The following MRPL36 variants were observed in gnomAD, a reference collection of about 807,000 sequenced individuals.
MRPL36 encodes the protein large ribosomal subunit protein bL36m.
A neutral mutation model predicts 2.8 loss-of-function variants in MRPL36; 1 was observed. The observed-to-expected ratio is 0.36, with a 90% CI of 0.13 to 1.69. MRPL36 has a LOEUF of 1.69. Among genes scored for constraint, MRPL36 ranks in the 40% most tolerant of loss-of-function variants. The probability of loss-of-function intolerance (pLI) is 0.35; values close to 1 mark genes in which losing one functional copy is unlikely to be tolerated. For synonymous variants in MRPL36, 68 were observed against 54.8 expected (o/e 1.24, Z -1.06); for missense variants, 148 against 132.7 (o/e 1.12, Z -0.57).
chr5:1,798,947 T>A lies in MRPL36; in HGVS notation c.-12A>T, dbSNP rs779728134. 1 of 1,563,722 alleles carries A rather than the reference T, an allele frequency of 6.4e-7. No homozygotes were observed. Among genetic ancestry groups the A allele is most frequent in the Non-Finnish European group, 8.7e-7 (1 of 1,151,450 alleles). ...AAAAGATTTGCCATGTTGTGGTGAA[T>A]CTATGGGAGAGAGAAAAAAAGGAGT... is the stretch of plus-strand genomic sequence containing the variant. On this transcript the variant is annotated splice_region_variant and 5_prime_UTR_variant, in exon 2 of 2. Coordinates refer to ENST00000505059, the MANE Select transcript of MRPL36 (RefSeq NM_032479.4).
rs967647683 is a variant in MRPL36 at position 1,798,507 on chromosome 5, G to A, written c.*117C>T. 79 of 950,906 alleles carry A rather than the reference G, an allele frequency of 8.3e-5. No individual in the cohort carries two copies. The highest frequency in any genetic ancestry group is 1.1e-4 in the Non-Finnish European group (73 of 634,872). The allele number at this position is 950,906 out of a possible 1,614,324, so 58.9% of individuals were successfully genotyped here. A position where few individuals can be genotyped will look rare whatever the true frequency, so the allele number is the denominator to read the frequency against. On this transcript the variant is annotated 3_prime_UTR_variant, in exon 2 of 2. Transcript: ENST00000505059. ...AAACGTGATGGGTAACTTTTAGGGCGTTTGCTTCCAGTCACTTTCCCCTGA... is the reference window on the plus strand; with the variant it reads ...AAACGTGATGGGTAACTTTTAGGGCATTTGCTTCCAGTCACTTTCCCCTGA...
chr5:1,798,661 C>T lies in MRPL36; in HGVS notation c.275G>A (p.Cys92Tyr). Residue 92 changes from cysteine to tyrosine, a missense_variant, in exon 2 of 2, where the codon TGT becomes TAT. Transcript: ENST00000505059. ...VKRRGRWYVY[C>Y]KTHPRHKQRQ... Reference sequence around the variant, plus strand: ...CTGCTTGTGCCTCGGATGGGTTTTACAGTAGACGTACCACCGACCCCGCCT... The same window carrying T: ...CTGCTTGTGCCTCGGATGGGTTTTATAGTAGACGTACCACCGACCCCGCCT... 1 of 1,613,508 alleles carries T rather than the reference C, an allele frequency of 6.2e-7. No individual in the cohort carries two copies.
chr5:1,801,230 C>A, upstream of MRPL36: 3 of 824,158 alleles, frequency 3.6e-6, no homozygotes, highest in Non-Finnish European at 5.5e-6. Context: ...GCATTTTTAG[C>A]GAGATACCTG....
In MRPL36 at chr5:1,798,664, T is replaced by C. The variant is rs1358034099; in HGVS notation, c.272A>G (p.Tyr91Cys). The C allele has an allele frequency of 1.9e-6, 3 of 1,613,658 alleles. No homozygotes were observed. The highest frequency in any genetic ancestry group is 1.7e-5 in the Admixed American group (1 of 60,004). ...CTTGTGCCTCGGATGGGTTTTACAG[T>C]AGACGTACCACCGACCCCGCCTCTT... Reference protein sequence around the residue: ...LVKRRGRWYVYCKTHPRHKQR... With the variant: ...LVKRRGRWYVCCKTHPRHKQR... The change falls in exon 2 of 2, where the codon TAC becomes TGC. Residue 91 changes from tyrosine (Y) to cysteine (C), a missense_variant. Tyr to Cys is a radical substitution (Grantham distance 194). Transcript: ENST00000505059.
intron 1 of MRPL36, 46 bp from the exon 2 acceptor site, chr5:1,798,993 C>T: frequency 7.0e-7 from 1 of 1,429,822 alleles, no homozygotes; most frequent in Non-Finnish European, 9.5e-7. Flanking sequence ...CCTGCACTTC[C>T]ACCTGCTCTT....
intron 1 of MRPL36, 120 bp from the exon 2 acceptor site, chr5:1,799,067 G>T (rs1185234898): frequency 2.7e-6 from 2 of 748,366 alleles, no homozygotes; most frequent in Non-Finnish European, 4.4e-6. Context: ...GACTGAGGGT[G>T]TTCCCATACC....
upstream of MRPL36, chr5:1,801,307 T>TC (rs200692689): frequency 1.0e-5 from 11 of 1,105,260 alleles, no homozygotes; most frequent in Admixed American, 7.2e-5. Flanking sequence ...CGACCCGCGC[T>TC]CCCCGCCCCC....
Position 1,798,592 on chromosome 5 carries a change from C to A in MRPL36, c.*32G>T. On this transcript the variant is annotated 3_prime_UTR_variant, in exon 2 of 2. Coordinates refer to ENST00000505059, the MANE Select transcript of MRPL36 (RefSeq NM_032479.4). ...ACCATTCTCCCAAGTGATGCGATGA[C>A]GAGTATGTGCGTGACTCTGGAGGGA... The A allele has an allele frequency of 1.3e-6, 2 of 1,568,956 alleles. No individual in the cohort carries two copies. The highest frequency in any genetic ancestry group is 1.1e-5 in the South Asian group (1 of 87,434).
upstream of MRPL36, chr5:1,799,877 G>C (rs1733982275): frequency 1.0e-5 from 1 of 99,646 alleles, no homozygotes; most frequent in South Asian, 4.4e-4. Context: ...GATGGCGGCG[G>C]GGGGGGGGGT....
At chr5:1,799,058 A>C in intron 1 of MRPL36, 111 bp from the exon 2 acceptor site, 1 of 829,868 alleles carries the variant, frequency 1.2e-6, no homozygotes, top group South Asian at 1.8e-5. Context: ...GACCTCGGGG[A>C]CTGAGGGTGT....
rs1228673571 is a variant in MRPL36, at chr5:1,798,833, G to T, written c.103C>A (p.Arg35=). The T allele has an allele frequency of 1.9e-6, 3 of 1,614,088 alleles. No homozygotes were observed. Among genetic ancestry groups the T allele is most frequent in the Non-Finnish European group, 2.5e-6 (3 of 1,180,010 alleles). ...ALSTFLFGSI[R]GAAPVAVEPG... is the part of the protein sequence containing the mutation. ...TCCACAGCCACGGGGGCTGCACCTC[G>T]AATGGATCCAAATAGAAATGTGGAG... The change falls in exon 2 of 2, where the codon CGA becomes AGA. Residue 35 remains arginine, a synonymous_variant. Coordinates refer to ENST00000505059, the MANE Select transcript of MRPL36 (RefSeq NM_032479.4).
chr5:1,801,387 GT>G (rs747851852), upstream of MRPL36: 1 of 1,601,962 alleles, frequency 6.2e-7, no homozygotes, highest in South Asian at 1.1e-5. Flanking sequence ...TAAGCGGGAC[GT>G]TGCGCCGGGT....
chr5:1,799,881 G>GGA (rs1554017909), upstream of MRPL36: 1 of 151,986 alleles, frequency 6.6e-6, no homozygotes. Context: ...GCGGCGGGGG[G>GGA]GGGGGTCACG....
rs758020612 is a variant in MRPL36 at position 1,798,942 on chromosome 5, G to A, written c.-7C>T. 16 of 1,581,624 alleles carry A rather than the reference G, an allele frequency of 1.0e-5. No homozygotes were observed. In the African/African-American group the frequency reaches 2.0e-4, roughly 20 times the overall value. ...TTATAAAAAGATTTGCCATGTTGTGGTGAATCTATGGGAGAGAGAAAAAAA... is the reference window on the plus strand; with the variant it reads ...TTATAAAAAGATTTGCCATGTTGTGATGAATCTATGGGAGAGAGAAAAAAA... On this transcript the variant is annotated 5_prime_UTR_variant, in exon 2 of 2. Coordinates refer to ENST00000505059, the MANE Select transcript of MRPL36 (RefSeq NM_032479.4).
intron 1 of MRPL36, chr5:1,799,472 G>C (rs977790646): frequency 2.0e-5 from 3 of 152,286 alleles, no homozygotes; most frequent in Admixed American, 6.5e-5. Context: ...GGGAAGAGCT[G>C]GGCCTGCAGG....
At chr5:1,801,304 C>A, upstream of MRPL36, 6 of 1,348,138 alleles carry the variant, frequency 4.5e-6, no homozygotes, top group Non-Finnish European at 5.8e-6. Context: ...CCCCGACCCG[C>A]GCTCCCCGCC....
chr5:1,801,219 G>T, upstream of MRPL36: 2 of 747,252 alleles, frequency 2.7e-6, no homozygotes, highest in Non-Finnish European at 2.1e-6. Context: ...TGTAATCAGG[G>T]GCATTTTTAG....
Position 1,799,781 on chromosome 5 carries a change from G to A in MRPL36, c.-13+11C>T, listed in dbSNP as rs376298009. ...CCCGGGACCCCTGACCTGAGAAGAC[G>A]GCTCCCTTACCCGGCCGCACGCTCT... On this transcript the variant is annotated intron_variant, in intron 1 of 1. Coordinates refer to ENST00000505059, the MANE Select transcript of MRPL36 (RefSeq NM_032479.4). The A allele has an allele frequency of 1.3e-4, 5 of 38,844 alleles. No homozygotes were observed. The Admixed American group carries it at 2.2e-3, about 17-fold the overall frequency. The allele number at this position is 38,844 out of a possible 1,614,324, so 2.4% of individuals were successfully genotyped here. A position where few individuals can be genotyped will look rare whatever the true frequency, so the allele number is the denominator to read the frequency against.
At chr5:1,799,026 C>A in intron 1 of MRPL36, 79 bp from the exon 2 acceptor site, 1 of 1,225,734 alleles carries the variant, frequency 8.2e-7, no homozygotes, top group Non-Finnish European at 1.1e-6. Context: ...TTCTCTGTTT[C>A]ACTGAGGCTT....
Sources: allele counts gnomAD v4.1 joint callset, GRCh38; gene constraint gnomAD v4.1.1; transcripts MANE v1.5; gene names NCBI Gene and HGNC (gene_info 2026-07-23, HGNC 2026-07-21).